The following SNTG1 variants were observed in gnomAD, a reference collection of about 807,000 sequenced individuals.
The protein encoded by SNTG1 is gamma-1-syntrophin.
Under a neutral mutation model 74.7 loss-of-function variants are expected in SNTG1, and 39 were observed. That is an observed-to-expected ratio of 0.52 (90% CI 0.40 to 0.68). The LOEUF (loss-of-function observed/expected upper bound fraction) is 0.68, where lower values mean the gene tolerates loss of function less well. Among genes scored for constraint, SNTG1 ranks in the 30% least tolerant of loss-of-function variants. The probability of loss-of-function intolerance (pLI) is 0.00; values close to 1 mark genes in which losing one functional copy is unlikely to be tolerated. For synonymous variants in SNTG1, 254 were observed against 217.1 expected (o/e 1.17, Z -1.49); for missense variants, 685 against 609.5 (o/e 1.12, Z -1.30).
intron 15 of SNTG1, among the ~76,000 whole-genome samples, chr8:50,696,992 A>T (rs1365094010): frequency 1.3e-5 from 2 of 152,076 alleles, no homozygotes; most frequent in Non-Finnish European, 2.9e-5. Flanking sequence ...TGACATTGGT[A>T]CTTTGATAGA....
At chr8:50,508,746 C>T (rs1405282738) in intron 9 of SNTG1, among the ~76,000 whole-genome samples, 2 of 152,138 alleles carry the variant, frequency 1.3e-5, no homozygotes, top group Non-Finnish European at 2.9e-5. Context: ...CCATATCTTT[C>T]ACCCACATTT....
chr8:50,336,026 T>C (rs2091131161), intron 2 of SNTG1, among the ~76,000 whole-genome samples: 1 of 152,050 alleles, frequency 6.6e-6, no homozygotes, highest in African/African-American at 2.4e-5. Context: ...ATCCACCATC[T>C]TTGATGTACA....
Position 49,965,950 on chromosome 8 carries a change from T to A in SNTG1, c.-103+53719T>A, listed in dbSNP as rs1052722952. On this transcript the variant is annotated intron_variant, in intron 1 of 18. Transcript: ENST00000642720. ...CATTTTTGAGTTCCTGCTGTTTCAG[T>A]GTTTTATGCTGGACTTTCTTATGCC... Among the ~76,000 whole-genome samples the A allele has an allele frequency of 3.9e-5, 6 of 152,318 alleles. No individual in the cohort carries two copies. In the South Asian group the frequency reaches 8.3e-4, roughly 21 times the overall value.
At chr8:50,034,966 G>T (rs111439805) in intron 1 of SNTG1, among the ~76,000 whole-genome samples, 11 of 152,272 alleles carry the variant, frequency 7.2e-5, no homozygotes, top group Admixed American at 3.9e-4. Context: ...TTCCAGCAGC[G>T]GGATGAACAG....
At chr8:50,229,211 G>A (rs1413329805) in intron 2 of SNTG1, among the ~76,000 whole-genome samples, 1 of 151,340 alleles carries the variant, frequency 6.6e-6, no homozygotes, top group Non-Finnish European at 1.5e-5. Context: ...ATAAACAAAA[G>A]CAAATGCAAC....
intron 11 of SNTG1, among the ~76,000 whole-genome samples, chr8:50,538,567 A>T (rs931828607): frequency 6.6e-6 from 1 of 152,090 alleles, no homozygotes; most frequent in African/African-American, 2.4e-5. Context: ...CCTGTAAGTA[A>T]TATGTTCTTT....
intron 2 of SNTG1, among the ~76,000 whole-genome samples, chr8:50,351,556 T>A (rs2091662082): frequency 6.6e-6 from 1 of 152,230 alleles, no homozygotes; most frequent in Non-Finnish European, 1.5e-5. Context: ...TTCATTGAGA[T>A]GTTCTTGAAA....
At chr8:50,123,079 G>A (rs1188304416) in intron 1 of SNTG1, among the ~76,000 whole-genome samples, 1 of 142,186 alleles carries the variant, frequency 7.0e-6, no homozygotes, top group Non-Finnish European at 1.6e-5. Context: ...TAGGTCACCA[G>A]AGTACAAAAT....
At chr8:50,454,225 G>T (rs1051834723) in intron 8 of SNTG1, among the ~76,000 whole-genome samples, 1 of 152,140 alleles carries the variant, frequency 6.6e-6, no homozygotes. Flanking sequence ...GGCCAGGTGC[G>T]GTGGCTCATG....
chr8:50,407,291 T>G (rs551628899), intron 4 of SNTG1, among the ~76,000 whole-genome samples: 36 of 152,152 alleles, frequency 2.4e-4, no homozygotes, highest in Non-Finnish European at 5.0e-4. Flanking sequence ...TAGGAGAATG[T>G]TCTAAGGAAA....
intron 11 of SNTG1, among the ~76,000 whole-genome samples, chr8:50,548,661 A>G (rs1207597137): frequency 6.6e-6 from 1 of 152,184 alleles, no homozygotes; most frequent in Non-Finnish European, 1.5e-5. Flanking sequence ...CTACACAAAC[A>G]TGTTTAATAC....
chr8:50,230,043 A>T (rs2085535917), intron 2 of SNTG1, among the ~76,000 whole-genome samples: 1 of 151,470 alleles, frequency 6.6e-6, no homozygotes, highest in Non-Finnish European at 1.5e-5. Flanking sequence ...AATGAAAATG[A>T]CAATGCAACT....
chr8:50,007,397 G>T (rs1366565386), intron 1 of SNTG1, among the ~76,000 whole-genome samples: 1 of 152,040 alleles, frequency 6.6e-6, no homozygotes, highest in Non-Finnish European at 1.5e-5. Flanking sequence ...GGGAGGAGGA[G>T]GGAGAGATAG....
At chr8:49,963,529 C>T (rs1173305070) in intron 1 of SNTG1, among the ~76,000 whole-genome samples, 1 of 152,066 alleles carries the variant, frequency 6.6e-6, no homozygotes. Context: ...GTATGCTCTC[C>T]AATAAATTAG....
At chr8:50,245,601 T>G (rs1347743724) in intron 2 of SNTG1, among the ~76,000 whole-genome samples, 2 of 152,114 alleles carry the variant, frequency 1.3e-5, no homozygotes, top group East Asian at 1.9e-4. Flanking sequence ...GAGAATCCCT[T>G]GAACCCAGGA....
chr8:50,740,508 T>C (rs1402602562), intron 17 of SNTG1, among the ~76,000 whole-genome samples: 4 of 152,026 alleles, frequency 2.6e-5, no homozygotes, highest in Admixed American at 6.6e-5. Context: ...GACAAGGTTG[T>C]AGAGAAAAAG....
At chr8:50,026,127 C>A (rs987004713) in intron 1 of SNTG1, among the ~76,000 whole-genome samples, 2 of 152,098 alleles carry the variant, frequency 1.3e-5, no homozygotes, top group Non-Finnish European at 2.9e-5. Flanking sequence ...CACTTGTATG[C>A]CATTTTCAAT....
intron 2 of SNTG1, among the ~76,000 whole-genome samples, chr8:50,291,242 A>AAGTGTGTGTG (rs567146667): frequency 7.4e-5 from 11 of 149,286 alleles, no homozygotes; most frequent in African/African-American, 2.7e-4. Flanking sequence ...AGACAGACAT[A>AAGTGTGTGTG]TGTGTGTGTG....
At chr8:50,333,563 T>C (rs1476594666) in intron 2 of SNTG1, among the ~76,000 whole-genome samples, 1 of 152,224 alleles carries the variant, frequency 6.6e-6, no homozygotes, top group African/African-American at 2.4e-5. Flanking sequence ...TTATTTCTTA[T>C]TATGCTGGAA....
Sources: gnomAD v4.1 joint callset for allele counts (sites outside exome capture counted in the v4.1 genomes callset) on GRCh38, gnomAD v4.1.1 for gene constraint, MANE v1.5 for transcripts, NCBI Gene and HGNC (gene_info 2026-07-23, HGNC 2026-07-21) for gene names.